The following CHST9 variants were observed in gnomAD, a reference collection of about 807,000 sequenced individuals.
CHST9 encodes GalNAc-4-sulfotransferase 2.
In CHST9, 41 loss-of-function variants were observed where a neutral mutation model predicts 44.4. The observed-to-expected ratio is 0.92, with a 90% CI of 0.72 to 1.20. The LOEUF is 1.20. Among genes scored for constraint, CHST9 ranks in the 50% most tolerant of loss-of-function variants. The pLI is 0.00. For missense variants in CHST9, 504 were observed against 516.5 expected, an observed-to-expected ratio of 0.98 and a Z score of 0.23; for synonymous variants, 171 against 178.4, an observed-to-expected ratio of 0.96 and a Z score of 0.33.
rs1349763494 is a variant in CHST9, at chr18:27,142,677, C to A, written c.121+12G>T. On this transcript the variant is annotated intron_variant, in intron 2 of 5. Coordinates refer to ENST00000618847, the MANE Select transcript of CHST9 (RefSeq NM_031422.6). ...GTTACAATTAAAATAGAAGAAAAAG[C>A]ACATGTGTTACCTGTATGTTGTTCT... The A allele has an allele frequency of 6.4e-7, 1 of 1,557,070 alleles. No individual in the cohort carries two copies. Among genetic ancestry groups the A allele is most frequent in the East Asian group, 2.3e-5 (1 of 43,536 alleles).
chr18:27,002,525 T>C (rs535075537), intron 4 of CHST9, among the ~76,000 whole-genome samples: 5 of 152,332 alleles, frequency 3.3e-5, no homozygotes, highest in African/African-American at 1.2e-4. Flanking sequence ...TTCACTTCAG[T>C]AAATTATTCA....
chr18:27,097,435 G>A (rs1352761299), intron 2 of CHST9, among the ~76,000 whole-genome samples: 1 of 151,886 alleles, frequency 6.6e-6, no homozygotes, highest in African/African-American at 2.4e-5. Context: ...CATCCAAATA[G>A]GAAAAGAAGA....
intron 3 of CHST9, among the ~76,000 whole-genome samples, chr18:27,035,015 T>C (rs146620386): frequency 6.6e-6 from 1 of 152,378 alleles, no homozygotes; most frequent in African/African-American, 2.4e-5. Context: ...TGGCTCTACA[T>C]ACCCAGAAAT....
chr18:27,078,487 A>ATC lies in CHST9; in HGVS notation c.122-29986_122-29985dup, dbSNP rs944758092. On this transcript the variant is annotated intron_variant, in intron 2 of 5. Transcript: ENST00000618847. ...GTGTATGTAAAGTATATATATATAT[A>ATC]TCTCTCTCACATATATTATAATCTT... Among the ~76,000 whole-genome samples, 6 of 152,232 alleles carry ATC rather than the reference A, an allele frequency of 3.9e-5. No homozygotes were observed. In the East Asian group the frequency reaches 9.6e-4, roughly 24 times the overall value.
intron 2 of CHST9, among the ~76,000 whole-genome samples, chr18:27,117,959 AG>A (rs2058343221): frequency 6.6e-6 from 1 of 152,236 alleles, no homozygotes. Flanking sequence ...TAGTTTTGAA[AG>A]AAAGTGCCAA....
chr18:26,960,552 T>G (rs1184237311), intron 4 of CHST9, among the ~76,000 whole-genome samples: 1 of 152,198 alleles, frequency 6.6e-6, no homozygotes, highest in African/African-American at 2.4e-5. Context: ...TGTTTAGAAT[T>G]TATCGGAGAA....
chr18:26,922,927 C>T (rs1043707988), intron 5 of CHST9, among the ~76,000 whole-genome samples: 19 of 152,192 alleles, frequency 1.2e-4, no homozygotes, highest in Admixed American at 1.0e-3. Context: ...TGAGCCCCTG[C>T]GCCTGGCCAA....
chr18:27,005,710 G>A (rs2057008431), intron 4 of CHST9, among the ~76,000 whole-genome samples: 1 of 152,144 alleles, frequency 6.6e-6, no homozygotes. Flanking sequence ...TGGTTTCCAT[G>A]GGGGAAGGGG....
At chr18:27,172,462 G>A (rs751959709) in intron 1 of CHST9, among the ~76,000 whole-genome samples, 85 of 152,058 alleles carry the variant, frequency 5.6e-4, no homozygotes, top group Non-Finnish European at 1.1e-3. Flanking sequence ...AGGGGTATAA[G>A]AGCAAAGCTG....
At chr18:27,098,210 C>T (rs1473732021) in intron 2 of CHST9, among the ~76,000 whole-genome samples, 3 of 151,544 alleles carry the variant, frequency 2.0e-5, no homozygotes, top group Admixed American at 6.6e-5. Context: ...AAAAAAAAAG[C>T]TCAACATGAC....
At chr18:26,932,459 T>G (rs887712519) in intron 5 of CHST9, among the ~76,000 whole-genome samples, 5 of 152,112 alleles carry the variant, frequency 3.3e-5, no homozygotes, top group Admixed American at 6.6e-5. Flanking sequence ...TCAAGAAAAT[T>G]TATTTTAAAT....
intron 2 of CHST9, among the ~76,000 whole-genome samples, chr18:27,084,837 C>A (rs949363330): frequency 5.9e-5 from 9 of 151,906 alleles, no homozygotes; most frequent in African/African-American, 2.2e-4. Context: ...TCCAGAGATA[C>A]TAGTATGCTG....
At chr18:27,019,925 A>T (rs1021816139) in intron 4 of CHST9, among the ~76,000 whole-genome samples, 2 of 152,218 alleles carry the variant, frequency 1.3e-5, no homozygotes, top group African/African-American at 2.4e-5. Context: ...TGTTGATTAC[A>T]GGAGGAAATA....
chr18:27,135,719 T>A (rs1175673740), intron 2 of CHST9, among the ~76,000 whole-genome samples: 1 of 152,172 alleles, frequency 6.6e-6, no homozygotes, highest in Non-Finnish European at 1.5e-5. Flanking sequence ...AAAATCAACA[T>A]GTCAGGGTGT....
chr18:27,101,115 A>G (rs544267514), intron 2 of CHST9, among the ~76,000 whole-genome samples: 3 of 152,334 alleles, frequency 2.0e-5, no homozygotes, highest in African/African-American at 7.2e-5. Context: ...CTGTCAATTT[A>G]TTAACACAGG....
chr18:27,183,118 G>C (rs556948387), intron 1 of CHST9, among the ~76,000 whole-genome samples: 4 of 149,960 alleles, frequency 2.7e-5, no homozygotes, highest in Admixed American at 6.6e-5. Flanking sequence ...ACAAAAAGGT[G>C]GGGGGTGGGG....
intron 5 of CHST9, among the ~76,000 whole-genome samples, chr18:26,937,586 G>A (rs1337587502): frequency 6.6e-6 from 1 of 152,172 alleles, no homozygotes; most frequent in East Asian, 1.9e-4. Context: ...AAGCATCCCA[G>A]AATAGTGGCT....
intron 5 of CHST9, among the ~76,000 whole-genome samples, chr18:26,941,915 C>A (rs1009612909): frequency 6.6e-6 from 1 of 152,170 alleles, no homozygotes; most frequent in Non-Finnish European, 1.5e-5. Flanking sequence ...CCCCTCCACT[C>A]CTGATTTCTC....
chr18:27,146,681 T>C (rs760900486), intron 1 of CHST9, among the ~76,000 whole-genome samples: 81 of 152,216 alleles, frequency 5.3e-4, no homozygotes, highest in Non-Finnish European at 9.8e-4. Context: ...TAAAAGGTAC[T>C]TAAAAACTTG....
Sources: gnomAD v4.1 joint callset for allele counts (sites outside exome capture counted in the v4.1 genomes callset) on GRCh38, gnomAD v4.1.1 for gene constraint, MANE v1.5 for transcripts, NCBI Gene and HGNC (gene_info 2026-07-23, HGNC 2026-07-21) for gene names.